The following ABLIM3 variants were observed in gnomAD, a reference collection of about 807,000 sequenced individuals.
ABLIM3 encodes actin-binding LIM protein 3.
Under a neutral mutation model 109.5 loss-of-function variants are expected in ABLIM3, and 61 were observed. The ratio of observed to expected loss-of-function variants is 0.56; its 90% CI spans 0.45 to 0.69. The LOEUF (loss-of-function observed/expected upper bound fraction) is 0.69, where lower values mean the gene tolerates loss of function less well. Among genes scored for constraint, ABLIM3 ranks in the 30% least tolerant of loss-of-function variants. ABLIM3 has a pLI of 0.00. For missense variants in ABLIM3, 796 were observed against 889.5 expected (o/e 0.89, Z 1.34); for synonymous variants, 300 against 324.8 (o/e 0.92, Z 0.82).
intron 7 of ABLIM3, among the ~76,000 whole-genome samples, chr5:149,215,517 C>G (rs1406923864): frequency 1.2e-5 from 1 of 82,732 alleles, no homozygotes; most frequent in African/African-American, 5.7e-5. Flanking sequence ...TCCACTCCCC[C>G]CACATAAAAA....
At chr5:149,159,039 C>T (rs750227120) in intron 2 of ABLIM3, among the ~76,000 whole-genome samples, 4 of 152,190 alleles carry the variant, frequency 2.6e-5, no homozygotes, top group South Asian at 2.1e-4. Context: ...TCCCTGTGAA[C>T]GATAAAAACA....
At chr5:149,229,411 C>A (rs1485731286) in intron 8 of ABLIM3, among the ~76,000 whole-genome samples, 1 of 152,158 alleles carries the variant, frequency 6.6e-6, no homozygotes, top group Non-Finnish European at 1.5e-5. Context: ...CAAATCCCAC[C>A]TTATTGTTCT....
intron 8 of ABLIM3, among the ~76,000 whole-genome samples, chr5:149,224,724 A>G (rs760590019): frequency 2.6e-5 from 4 of 152,212 alleles, no homozygotes; most frequent in Non-Finnish European, 4.4e-5. Flanking sequence ...CCCAACACTT[A>G]TATAGTCCCT....
intron 7 of ABLIM3, among the ~76,000 whole-genome samples, chr5:149,212,801 C>G (rs1759689546): frequency 6.6e-6 from 1 of 152,050 alleles, no homozygotes; most frequent in South Asian, 2.1e-4. Context: ...TGATTGAAAT[C>G]CCAGGAGTGT....
At chr5:149,238,241 TCCTG>T (rs1354055610) in intron 11 of ABLIM3, among the ~76,000 whole-genome samples, 1 of 152,078 alleles carries the variant, frequency 6.6e-6, no homozygotes, top group Non-Finnish European at 1.5e-5. Flanking sequence ...ACCCTGGAGG[TCCTG>T]GCAGTCTATA....
chr5:149,217,359 A>T, intron 8 of ABLIM3: 1 of 418,966 alleles, frequency 2.4e-6, no homozygotes, highest in Non-Finnish European at 4.4e-6. Flanking sequence ...GCTGAGCTGC[A>T]CAGGCCCAAG....
Position 149,237,526 on chromosome 5 carries a change from C to A in ABLIM3, c.967C>A (p.Arg323Ser). 6.2e-7 allele frequency: 1 copy of A among 1,614,200 alleles called. No homozygotes were observed. The highest frequency in any genetic ancestry group is 8.5e-7 in the Non-Finnish European group (1 of 1,180,034). Residue 323 changes from arginine to serine, a missense_variant, in exon 11 of 24, where the codon CGC (arginine) becomes AGC (serine). Coordinates refer to ENST00000309868, the MANE Select transcript of ABLIM3 (RefSeq NM_014945.5). Reference sequence around the variant, plus strand: ...GGTTAAGTCTATCTACGAGGTACAACGCCCCGACCTCATTTCCTATGAGCC... The same window carrying A: ...GGTTAAGTCTATCTACGAGGTACAAAGCCCCGACCTCATTTCCTATGAGCC... ...PKVKSIYEVQRPDLISYEPHS... is the reference protein window; with the variant it reads ...PKVKSIYEVQSPDLISYEPHS...
At chr5:149,186,304 C>T (rs190906129) in intron 3 of ABLIM3, among the ~76,000 whole-genome samples, 14 of 152,174 alleles carry the variant, frequency 9.2e-5, no homozygotes, top group Admixed American at 7.2e-4. Flanking sequence ...GTCCCAGCTA[C>T]TCAGGAGGCT....
At chr5:149,200,926 T>C (rs1023168743) in intron 5 of ABLIM3, among the ~76,000 whole-genome samples, 2 of 152,124 alleles carry the variant, frequency 1.3e-5, no homozygotes, top group African/African-American at 4.8e-5. Context: ...AAAATGCAAA[T>C]GTCTGGGCTC....
intron 10 of ABLIM3, among the ~76,000 whole-genome samples, chr5:149,237,095 G>C (rs1419154638): frequency 6.6e-6 from 1 of 152,152 alleles, no homozygotes. Context: ...AAATCTATTA[G>C]CTTAGTGGTG....
rs1554082423 is a variant in ABLIM3 at position 149,170,228 on chromosome 5, T to TTTTCTC, written c.14-13223_14-13222insTTCTCT. Among the ~76,000 whole-genome samples, 382 of 124,638 alleles carry TTTTCTC rather than the reference T, an allele frequency of 3.1e-3. 6 individuals carry two copies. Among genetic ancestry groups the TTTTCTC allele is most frequent in the African/African-American group, 0.011 (357 of 31,936 alleles). 81.8% of individuals were successfully genotyped at this position (124,638 alleles called of 152,430 possible). A position where few individuals can be genotyped will look rare whatever the true frequency, so the allele number is the denominator to read the frequency against. On this transcript the variant is annotated intron_variant, in intron 2 of 23. Transcript: ENST00000309868. ...ATGATGCATTCATTCAGGGTTCTGT[T>TTTTCTC]TCTCTCTCTCTCTCTCTCTCTCTCT...
intron 7 of ABLIM3, among the ~76,000 whole-genome samples, chr5:149,215,896 C>T (rs1425576718): frequency 2.6e-5 from 4 of 152,204 alleles, no homozygotes; most frequent in Non-Finnish European, 4.4e-5. Context: ...CACACACATC[C>T]GGACCCAACA....
chr5:149,144,635 C>T (rs1369100161), intron 2 of ABLIM3, among the ~76,000 whole-genome samples: 2 of 152,172 alleles, frequency 1.3e-5, no homozygotes, highest in Non-Finnish European at 2.9e-5. Flanking sequence ...CCCACCCAAC[C>T]TGTGAGATGG....
intron 12 of ABLIM3, among the ~76,000 whole-genome samples, chr5:149,239,556 G>T (rs1752578844): frequency 6.6e-6 from 1 of 152,216 alleles, no homozygotes; most frequent in African/African-American, 2.4e-5. Context: ...TCAAGGGCCT[G>T]CAAGTAATGG....
chr5:149,149,693 G>T (rs1475103196), intron 2 of ABLIM3, among the ~76,000 whole-genome samples: 4 of 152,228 alleles, frequency 2.6e-5, no homozygotes, highest in Non-Finnish European at 5.9e-5. Flanking sequence ...GCCACTGATT[G>T]TTTTATAAGG....
intron 2 of ABLIM3, among the ~76,000 whole-genome samples, chr5:149,181,462 T>C (rs568372907): frequency 2.2e-4 from 33 of 152,336 alleles, no homozygotes; most frequent in African/African-American, 7.9e-4. Flanking sequence ...TTGATTTTTG[T>C]CTTGAATTTA....
In ABLIM3 at chr5:149,203,049, CCAT is replaced by C. The variant is rs544573855; in HGVS notation, c.448+2630_448+2632del. On this transcript the variant is annotated intron_variant, in intron 5 of 23. Coordinates refer to ENST00000309868, the MANE Select transcript of ABLIM3 (RefSeq NM_014945.5). ...CATTGCCATCACACCACCACCATAA[CCAT>C]CATCATCACTAACATCAACACCATC... is the stretch of plus-strand genomic sequence containing the variant. Among the ~76,000 whole-genome samples the C allele has an allele frequency of 7.9e-5, 12 of 151,672 alleles. No homozygotes were observed. The South Asian group carries it at 1.5e-3, about 19-fold the overall frequency.
chr5:149,215,753 A>C (rs1176480871), intron 7 of ABLIM3, among the ~76,000 whole-genome samples: 1 of 152,044 alleles, frequency 6.6e-6, no homozygotes, highest in Non-Finnish European at 1.5e-5. Flanking sequence ...CTGCCAACCC[A>C]ATTGCTGCAC....
intron 2 of ABLIM3, among the ~76,000 whole-genome samples, chr5:149,173,617 C>T (rs1374404074): frequency 1.3e-5 from 2 of 152,276 alleles, no homozygotes; most frequent in South Asian, 2.1e-4. Flanking sequence ...CCACTTTAGT[C>T]GCTGCGGCTC....
Sources: allele counts gnomAD v4.1 joint callset (sites outside exome capture counted in the v4.1 genomes callset), GRCh38; gene constraint gnomAD v4.1.1; transcripts MANE v1.5; gene names NCBI Gene and HGNC (gene_info 2026-07-23, HGNC 2026-07-21).